Variants in PDZRN3 observed in about 807,000 individuals in gnomAD.
PDZRN3 encodes PDZ domain containing ring finger 3, also known as E3 ubiquitin-protein ligase PDZRN3.
Under a neutral mutation model 85.7 loss-of-function variants are expected in PDZRN3, and 38 were observed. The ratio of observed to expected loss-of-function variants is 0.44; its 90% confidence interval spans 0.34 to 0.58. The LOEUF (loss-of-function observed/expected upper bound fraction) is 0.58, where lower values mean the gene tolerates loss of function less well. PDZRN3 is among the 20% of genes least tolerant of loss of function. The probability of loss-of-function intolerance (pLI) is 0.01; values close to 1 mark genes in which losing one functional copy is unlikely to be tolerated. For missense variants in PDZRN3, 1,629 were observed against 1,506.4 expected (o/e 1.08, Z -1.35); for synonymous variants, 759 against 638.0 (o/e 1.19, Z -2.86).
chr3:73,430,695 C>A (rs1233514017), intron 3 of PDZRN3, among the ~76,000 whole-genome samples: 1 of 152,208 alleles, frequency 6.6e-6, no homozygotes, highest in Non-Finnish European at 1.5e-5. Context: ...AACTCCCACT[C>A]CCTGGCCCCA....
intron 3 of PDZRN3, among the ~76,000 whole-genome samples, chr3:73,463,858 G>A (rs1442893453): frequency 1.3e-5 from 2 of 152,004 alleles, no homozygotes; most frequent in Non-Finnish European, 2.9e-5. Flanking sequence ...CTTAATACCT[G>A]GGTGATGAAA....
intron 3 of PDZRN3, among the ~76,000 whole-genome samples, chr3:73,452,513 C>T (rs142004128): frequency 3.0e-4 from 45 of 152,232 alleles, no homozygotes; most frequent in African/African-American, 8.7e-4. Context: ...AAGGCAGAAA[C>T]GCATGCTGGG....
Position 73,431,991 on chromosome 3 carries a change from T to C in PDZRN3, c.919-27596A>G, listed in dbSNP as rs114478418. Among the ~76,000 whole-genome samples, 738 of 152,292 alleles carry C rather than the reference T, an allele frequency of 4.8e-3. 3 individuals carry two copies. The highest frequency in any genetic ancestry group is 0.017 in the African/African-American group (701 of 41,554). Reference sequence around the variant, plus strand: ...CCAGTGTAATTAATACATCCACAACTGTGACTGCTGAATGATATTTTATGT... The same window carrying C: ...CCAGTGTAATTAATACATCCACAACCGTGACTGCTGAATGATATTTTATGT... On this transcript the variant is annotated intron_variant, in intron 3 of 9. Transcript: ENST00000263666.
chr3:73,607,253 A>C (rs1702614726), intron 2 of PDZRN3, among the ~76,000 whole-genome samples: 1 of 152,240 alleles, frequency 6.6e-6, no homozygotes, highest in African/African-American at 2.4e-5. Context: ...TTCATTATTT[A>C]AAATACTCCC....
chr3:73,472,155 G>C (rs1282610277), intron 3 of PDZRN3, among the ~76,000 whole-genome samples: 1 of 152,208 alleles, frequency 6.6e-6, no homozygotes, highest in Non-Finnish European at 1.5e-5. Context: ...TTTGGTGAGC[G>C]AGGCCAGTGC....
intron 3 of PDZRN3, among the ~76,000 whole-genome samples, chr3:73,598,938 A>G (rs572970168): frequency 1.6e-4 from 25 of 152,328 alleles, no homozygotes; most frequent in Middle Eastern, 3.4e-3. Context: ...TCACCATCAC[A>G]ACAATAGGGG....
chr3:73,394,812 A>T (rs1167280365), intron 5 of PDZRN3, among the ~76,000 whole-genome samples: 1 of 152,238 alleles, frequency 6.6e-6, no homozygotes, highest in African/African-American at 2.4e-5. Context: ...CTGGTTGCTG[A>T]CAGTTAAGCA....
intron 1 of PDZRN3, among the ~76,000 whole-genome samples, chr3:73,620,179 G>A (rs1702832427): frequency 6.6e-6 from 1 of 152,178 alleles, no homozygotes; most frequent in African/African-American, 2.4e-5. Flanking sequence ...TTTGGACCAC[G>A]GTGGTCATTT....
Position 73,383,854 on chromosome 3 carries a change from G to A in PDZRN3, c.2712C>T (p.Ser904=), listed in dbSNP as rs761305344. Residue 904 remains serine, a synonymous_variant, in exon 10 of 10, where the codon AGC becomes AGT. Coordinates refer to ENST00000263666, the MANE Select transcript of PDZRN3 (RefSeq NM_015009.3). ...TGGGAGAGCTCAGGTCCTTGCACAT[G>A]CTCACCAGGCTCATCTGGCTTTGCG... ...EYAQSQMSLV[S]MCKDLSSPTP... 4 of 1,613,676 alleles carry A rather than the reference G, an allele frequency of 2.5e-6. No individual in the cohort carries two copies. Among genetic ancestry groups the A allele is most frequent in the East Asian group, 2.2e-5 (1 of 44,866 alleles).
chr3:73,494,003 A>C (rs1273467872), intron 3 of PDZRN3, among the ~76,000 whole-genome samples: 9 of 152,230 alleles, frequency 5.9e-5, no homozygotes, highest in Non-Finnish European at 1.3e-4. Context: ...ACCAGATTTG[A>C]ATATTTGGCT....
At chr3:73,548,612 C>A (rs1220973403) in intron 3 of PDZRN3, among the ~76,000 whole-genome samples, 1 of 152,148 alleles carries the variant, frequency 6.6e-6, no homozygotes, top group Admixed American at 6.5e-5. Flanking sequence ...TCTGCCTTTT[C>A]ACACAAGCAT....
intron 3 of PDZRN3, among the ~76,000 whole-genome samples, chr3:73,447,314 C>T (rs1359531519): frequency 2.6e-5 from 4 of 151,952 alleles, no homozygotes; most frequent in Non-Finnish European, 5.9e-5. Flanking sequence ...ACCTCCATCC[C>T]TCCCACTCGT....
intron 3 of PDZRN3, among the ~76,000 whole-genome samples, chr3:73,508,071 G>A (rs1194535457): frequency 1.3e-5 from 2 of 152,050 alleles, no homozygotes; most frequent in Non-Finnish European, 2.9e-5. Context: ...CTCCAGCCTG[G>A]GTGACTGAGA....
chr3:73,603,374 C>T (rs1453346798), intron 2 of PDZRN3, among the ~76,000 whole-genome samples: 1 of 152,168 alleles, frequency 6.6e-6, no homozygotes, highest in Non-Finnish European at 1.5e-5. Flanking sequence ...AATCAAAAGG[C>T]TCCAACAAGC....
chr3:73,519,549 G>C (rs1704315615), intron 3 of PDZRN3, among the ~76,000 whole-genome samples: 1 of 152,210 alleles, frequency 6.6e-6, no homozygotes, highest in African/African-American at 2.4e-5. Flanking sequence ...AATTTAAAAA[G>C]AGTAAGTGGG....
rs562962826 is a variant in PDZRN3, at chr3:73,531,468, C to G, written c.918+70886G>C. Among the ~76,000 whole-genome samples, 17 of 152,268 alleles carry G rather than the reference C, an allele frequency of 1.1e-4. No individual in the cohort carries two copies. In the East Asian group the frequency reaches 1.9e-3, roughly 17 times the overall value. On this transcript the variant is annotated intron_variant, in intron 3 of 9. Coordinates refer to ENST00000263666, the MANE Select transcript of PDZRN3 (RefSeq NM_015009.3). ...TTGCCTGTGTTACACTTGAGGATGA[C>G]TTGGGATTGTATCTATCACTGTGCT...
intron 3 of PDZRN3, among the ~76,000 whole-genome samples, chr3:73,505,718 C>T (rs543369156): frequency 1.1e-4 from 17 of 152,068 alleles, no homozygotes; most frequent in African/African-American, 3.6e-4. Flanking sequence ...GAAGAGCACA[C>T]ATATTCAAAC....
At chr3:73,529,879 T>C (rs1046215358) in intron 3 of PDZRN3, among the ~76,000 whole-genome samples, 3 of 152,344 alleles carry the variant, frequency 2.0e-5, no homozygotes, top group South Asian at 2.1e-4. Context: ...AGGTTCATCA[T>C]CTATAAATAG....
chr3:73,489,620 T>C (rs576499513), intron 3 of PDZRN3, among the ~76,000 whole-genome samples: 1 of 148,064 alleles, frequency 6.8e-6, no homozygotes, highest in African/African-American at 2.5e-5. Flanking sequence ...TTACCCAAGC[T>C]GGAGTGCAGT....
Sources: allele counts gnomAD v4.1 joint callset (sites outside exome capture counted in the v4.1 genomes callset), GRCh38; gene constraint gnomAD v4.1.1; transcripts MANE v1.5; gene names NCBI Gene and HGNC (gene_info 2026-07-23, HGNC 2026-07-21).